MMP16: variants seen among roughly 807,000 people sequenced by gnomAD.
MMP16 encodes matrix metalloproteinase-16.
A neutral mutation model predicts 67.8 loss-of-function variants in MMP16; 12 were observed. The observed-to-expected ratio is 0.18, with a 90% CI of 0.11 to 0.29. The LOEUF (loss-of-function observed/expected upper bound fraction) is 0.29. MMP16 is among the 10% of genes least tolerant of loss of function. The probability of loss-of-function intolerance (pLI) is 1.00; values close to 1 mark genes in which losing one functional copy is unlikely to be tolerated. For synonymous variants in MMP16, 249 were observed against 255.9 expected (o/e 0.97, Z 0.26); for missense variants, 475 against 765.7 (o/e 0.62, Z 4.48).
intron 6 of MMP16, among the ~76,000 whole-genome samples, chr8:88,113,495 A>G (rs1159738193): frequency 6.6e-6 from 1 of 151,922 alleles, no homozygotes; most frequent in African/African-American, 2.4e-5. Context: ...TACTAAAAAT[A>G]TTTGAAGAGA....
chr8:88,277,550 G>T (rs529062970), intron 1 of MMP16, among the ~76,000 whole-genome samples: 6 of 152,074 alleles, frequency 3.9e-5, no homozygotes, highest in Non-Finnish European at 8.8e-5. Context: ...CTGTGCTGCC[G>T]GCAGCTGTAA....
At chr8:88,088,616 T>G (rs1181373723) in intron 6 of MMP16, among the ~76,000 whole-genome samples, 2 of 152,106 alleles carry the variant, frequency 1.3e-5, no homozygotes, top group East Asian at 3.9e-4. Flanking sequence ...AGACTAATCC[T>G]CATTACCATT....
At chr8:88,051,429 G>T (rs1669229652) in intron 8 of MMP16, among the ~76,000 whole-genome samples, 1 of 152,126 alleles carries the variant, frequency 6.6e-6, no homozygotes, top group Non-Finnish European at 1.5e-5. Context: ...TATTATAAAT[G>T]AACCTCATAG....
intron 1 of MMP16, among the ~76,000 whole-genome samples, chr8:88,261,171 C>T (rs577430026): frequency 6.6e-6 from 1 of 152,124 alleles, no homozygotes; most frequent in African/African-American, 2.4e-5. Flanking sequence ...TTAATCATTC[C>T]CTCTGGTCTC....
At chr8:88,112,005 T>C (rs1411659539) in intron 6 of MMP16, among the ~76,000 whole-genome samples, 1 of 151,794 alleles carries the variant, frequency 6.6e-6, no homozygotes, top group Non-Finnish European at 1.5e-5. Context: ...TGAAATTCTT[T>C]CCTGACTCAG....
Position 88,309,296 on chromosome 8 carries a change from G to A in MMP16, c.132+17779C>T, listed in dbSNP as rs115393053. On this transcript the variant is annotated intron_variant, in intron 1 of 9. Transcript: ENST00000286614. Reference sequence around the variant, plus strand: ...GTTACAAGTTATTAATATCATACAAGTATGAAGTTGTTCTACATGCACTGG... The same window carrying A: ...GTTACAAGTTATTAATATCATACAAATATGAAGTTGTTCTACATGCACTGG... Among the ~76,000 whole-genome samples the A allele has an allele frequency of 2.3e-3, 357 of 152,026 alleles. 1 individual carries two copies. The highest frequency in any genetic ancestry group is 8.3e-3 in the African/African-American group (345 of 41,486).
intron 6 of MMP16, among the ~76,000 whole-genome samples, chr8:88,091,346 T>C (rs1055666679): frequency 1.3e-4 from 19 of 151,890 alleles, no homozygotes; most frequent in Admixed American, 5.9e-4. Flanking sequence ...ACTAGTCAGA[T>C]ACAGTAGAAA....
At chr8:88,326,061 T>A (rs1265298078) in intron 1 of MMP16, among the ~76,000 whole-genome samples, 1 of 152,172 alleles carries the variant, frequency 6.6e-6, no homozygotes, top group Non-Finnish European at 1.5e-5. Flanking sequence ...AAAATCACAT[T>A]ATTCCTTAAA....
At chr8:88,166,821 T>C (rs1008418259) in intron 4 of MMP16, among the ~76,000 whole-genome samples, 1 of 150,642 alleles carries the variant, frequency 6.6e-6, no homozygotes, top group African/African-American at 2.4e-5. Flanking sequence ...GGATCCCGTC[T>C]TGGCCTCTCA....
intron 6 of MMP16, among the ~76,000 whole-genome samples, chr8:88,108,897 G>C (rs1345804324): frequency 6.6e-6 from 1 of 151,210 alleles, no homozygotes; most frequent in Non-Finnish European, 1.5e-5. Flanking sequence ...CTATTGTAAA[G>C]TAAAGTTGTG....
At chr8:88,080,030 T>C (rs1435742235) in intron 6 of MMP16, among the ~76,000 whole-genome samples, 1 of 152,242 alleles carries the variant, frequency 6.6e-6, no homozygotes, top group Non-Finnish European at 1.5e-5. Context: ...CTCTGCACTT[T>C]GACTTCACAG....
chr8:88,170,371 C>T (rs1313210695), intron 3 of MMP16, among the ~76,000 whole-genome samples: 1 of 152,176 alleles, frequency 6.6e-6, no homozygotes, highest in East Asian at 1.9e-4. Flanking sequence ...CATTTGTCTA[C>T]CTTGCTAGTC....
At chr8:88,234,941 C>T (rs1420488737) in intron 1 of MMP16, among the ~76,000 whole-genome samples, 4 of 152,222 alleles carry the variant, frequency 2.6e-5, no homozygotes, top group African/African-American at 9.6e-5. Context: ...GTTATTAACC[C>T]CAGCGAGGGC....
chr8:88,322,271 T>C (rs1001399819), intron 1 of MMP16, among the ~76,000 whole-genome samples: 3 of 152,214 alleles, frequency 2.0e-5, no homozygotes, highest in African/African-American at 7.2e-5. Context: ...TGAGCTGAAC[T>C]TGATATTCTA....
chr8:88,132,453 G>A (rs1447549126), intron 4 of MMP16, among the ~76,000 whole-genome samples: 3 of 151,858 alleles, frequency 2.0e-5, no homozygotes, highest in Non-Finnish European at 2.9e-5. Context: ...ACTGTTGGCT[G>A]GAGCTGTCAA....
At chr8:88,283,512 T>TTACAGAAACTTGACAGG (rs1299633438) in intron 1 of MMP16, among the ~76,000 whole-genome samples, 1 of 152,160 alleles carries the variant, frequency 6.6e-6, no homozygotes, top group Admixed American at 6.5e-5. Flanking sequence ...GGTTAGCACT[T>TTACAGAAACTTGACAGG]TACAGAAACT....
chr8:88,281,330 T>G (rs983893753), intron 1 of MMP16, among the ~76,000 whole-genome samples: 2 of 152,202 alleles, frequency 1.3e-5, no homozygotes, highest in Non-Finnish European at 2.9e-5. Context: ...TCATGGATGA[T>G]GAGCTCAAGG....
chr8:88,203,070 C>T (rs1809368938), intron 1 of MMP16, among the ~76,000 whole-genome samples: 1 of 151,348 alleles, frequency 6.6e-6, no homozygotes. Context: ...TGCAAAATGT[C>T]CCACTGAGAT....
Position 88,037,070 on chromosome 8 carries a change from T to C in MMP16, c.*4391A>G, listed in dbSNP as rs1808064440. Reference sequence around the variant, plus strand: ...TTGAGTTTAGTTAATATGGACACACTATTTATTCCACTGTAAGATCCACAA... The same window carrying C: ...TTGAGTTTAGTTAATATGGACACACCATTTATTCCACTGTAAGATCCACAA... On this transcript the variant is annotated 3_prime_UTR_variant, in exon 10 of 10. Transcript: ENST00000286614. 1 of 150,892 alleles carries C rather than the reference T, an allele frequency of 6.6e-6. No homozygotes were observed. Among genetic ancestry groups the C allele is most frequent in the Non-Finnish European group, 1.5e-5 (1 of 67,594 alleles). The allele number at this position is 150,892 out of a possible 1,614,324, so 9.3% of individuals were successfully genotyped here.
Sources: gnomAD v4.1 joint callset for allele counts (sites outside exome capture counted in the v4.1 genomes callset) on GRCh38, gnomAD v4.1.1 for gene constraint, MANE v1.5 for transcripts, NCBI Gene and HGNC (gene_info 2026-07-23, HGNC 2026-07-21) for gene names.